ZNF76: variants seen among roughly 807,000 people sequenced by gnomAD.
The protein encoded by ZNF76 is zinc finger protein 76, also known as zinc finger protein 523.
A neutral mutation model predicts 66.9 loss-of-function variants in ZNF76; 66 were observed. That is an observed-to-expected ratio of 0.99 (90% confidence interval 0.81 to 1.21). The LOEUF (loss-of-function observed/expected upper bound fraction) is 1.21, where lower values mean the gene tolerates loss of function less well. Among genes scored for constraint, ZNF76 ranks in the 50% most tolerant of loss-of-function variants. The probability of loss-of-function intolerance (pLI) is 0.00; values close to 1 mark genes in which losing one functional copy is unlikely to be tolerated. For missense variants in ZNF76, 729 were observed against 760.3 expected, an observed-to-expected ratio of 0.96 and a Z score of 0.48; for synonymous variants, 275 against 296.1, an observed-to-expected ratio of 0.93 and a Z score of 0.73.
rs1790530648 is a variant in ZNF76 at position 35,292,410 on chromosome 6, A to G, written c.932-144A>G. On this transcript the variant is annotated intron_variant, in intron 9 of 13. Coordinates refer to ENST00000373953, the MANE Select transcript of ZNF76 (RefSeq NM_003427.5). This position sits in a 1 kb window ranked among gnomAD's most constrained non-coding sequence, Gnocchi z 4.7. ...TGTGTTCCACTGGCCATCTTCCCCAACCCTGTCCATTCAGAGTCTCAGGTC... is the reference window on the plus strand; with the variant it reads ...TGTGTTCCACTGGCCATCTTCCCCAGCCCTGTCCATTCAGAGTCTCAGGTC... 1.3e-6 allele frequency: 1 copy of G among 798,094 alleles called. No individual in the cohort carries two copies. The highest frequency in any genetic ancestry group is 2.1e-6 in the Non-Finnish European group (1 of 480,064). 49.4% of individuals were successfully genotyped at this position (798,094 alleles called of 1,614,324 possible). A position where few individuals can be genotyped will look rare whatever the true frequency, so the allele number is the denominator to read the frequency against.
intron 2 of ZNF76, 144 bp downstream of exon 2, chr6:35,281,368 T>G (rs1030082380): frequency 1.4e-6 from 1 of 694,440 alleles, no homozygotes; most frequent in Non-Finnish European, 2.5e-6. Flanking sequence ...CATTAGAATC[T>G]CCTGTGGTGC....
In ZNF76 at chr6:35,292,089, C is replaced by T; in HGVS notation, c.931+352C>T. 1 of 437,492 alleles carries T rather than the reference C, an allele frequency of 2.3e-6. No individual in the cohort carries two copies. Among genetic ancestry groups the T allele is most frequent in the Middle Eastern group, 6.6e-4 (1 of 1,518 alleles). 27.1% of individuals were successfully genotyped at this position (437,492 alleles called of 1,614,324 possible). ...CAGAGTGAACTGTCACCTTCAACTC[C>T]TCACCTTATCCGCCGTCCATGACTC... On this transcript the variant is annotated intron_variant, in intron 9 of 13. Transcript: ENST00000373953. The surrounding 1 kb of genome is among the most constrained non-coding windows in gnomAD (Gnocchi z 4.7).
rs1010204541 is a variant in ZNF76, at chr6:35,259,797, G to C, written c.-141G>C. The C allele has an allele frequency of 5.3e-5, 8 of 152,278 alleles. No individual in the cohort carries two copies. Among genetic ancestry groups the C allele is most frequent in the Middle Eastern group, 3.2e-3 (1 of 316 alleles). 9.4% of individuals were successfully genotyped at this position (152,278 alleles called of 1,614,324 possible). A position where few individuals can be genotyped will look rare whatever the true frequency, so the allele number is the denominator to read the frequency against. On this transcript the variant is annotated 5_prime_UTR_variant, in exon 1 of 14. Transcript: ENST00000373953. Reference sequence around the variant, plus strand: ...GGGGCCGGCGCTGGTGGCGGGGCCCGGTGCATGGCGGTCTGTCGGCGGAGT... The same window carrying C: ...GGGGCCGGCGCTGGTGGCGGGGCCCCGTGCATGGCGGTCTGTCGGCGGAGT...
In ZNF76 at chr6:35,291,619, C is replaced by G; in HGVS notation, c.813C>G (p.Ile271Met). ...GCCGCTCCTTCACCACATCTAACATCCGCAAGGTACATGTGCGCACCCACA... is the reference window on the plus strand; with the variant it reads ...GCCGCTCCTTCACCACATCTAACATGCGCAAGGTACATGTGCGCACCCACA... ...GCGRSFTTSN[I>M]RKVHVRTHTG... Residue 271 changes from isoleucine to methionine, a missense_variant, in exon 9 of 14, where the codon ATC (isoleucine) becomes ATG (methionine). Physicochemically the swap from Ile to Met is conservative, Grantham distance 10 (BLOSUM62 1). Transcript: ENST00000373953. The G allele has an allele frequency of 6.2e-7, 1 of 1,614,080 alleles. No homozygotes were observed. The highest frequency in any genetic ancestry group is 8.5e-7 in the Non-Finnish European group (1 of 1,179,958).
rs1240113030 is a variant in ZNF76 at position 35,259,978 on chromosome 6, G to T, written c.-97+137G>T. ...CAGGGCGGCCTGGCCGCTGGACCGC[G>T]GCCGGGCCCCCTCCCCCACCCAGGG... On this transcript the variant is annotated intron_variant, in intron 1 of 13. Coordinates refer to ENST00000373953, the MANE Select transcript of ZNF76 (RefSeq NM_003427.5). 2 of 151,876 alleles carry T rather than the reference G, an allele frequency of 1.3e-5. 1 individual carries two copies. The highest frequency in any genetic ancestry group is 1.3e-4 in the Admixed American group (2 of 15,262). 9.4% of individuals were successfully genotyped at this position (151,876 alleles called of 1,614,324 possible).
chr6:35,274,821 G>A (rs1787642277), intron 1 of ZNF76, among the ~76,000 whole-genome samples: 1 of 152,216 alleles, frequency 6.6e-6, no homozygotes, highest in African/African-American at 2.4e-5. Context: ...GTGAAGGGTT[G>A]TTTTCCTGCA....
chr6:35,273,750 C>T, intron 1 of ZNF76, among the ~76,000 whole-genome samples: 1 of 148,618 alleles, frequency 6.7e-6, no homozygotes, highest in South Asian at 2.1e-4. Context: ...AAATGGGGGT[C>T]TCACTATGTT....
At chr6:35,273,720 C>T (rs1411139788) in intron 1 of ZNF76, among the ~76,000 whole-genome samples, 14 of 48,796 alleles carry the variant, frequency 2.9e-4, no homozygotes, top group Admixed American at 7.4e-4. Flanking sequence ...GACTCCATCT[C>T]ACAAAAAAAA....
chr6:35,282,363 TAAAA>T (rs60281715), intron 2 of ZNF76, among the ~76,000 whole-genome samples: 1 of 134,614 alleles, frequency 7.4e-6, no homozygotes, highest in African/African-American at 2.7e-5. Context: ...TACCAAGTTC[TAAAA>T]AAAAAAAAAA....
Position 35,287,623 on chromosome 6 carries a change from G to T in ZNF76, c.233-23G>T. The T allele has an allele frequency of 6.3e-7, 1 of 1,586,896 alleles. No individual in the cohort carries two copies. The highest frequency in any genetic ancestry group is 1.3e-5 in the African/African-American group (1 of 74,630). On this transcript the variant is annotated intron_variant, in intron 4 of 13. Transcript: ENST00000373953. The surrounding 1 kb of genome is among the most constrained non-coding windows in gnomAD (Gnocchi z 4.0). ...ATCTCTTCCCCTTGTGTGGCATCAG[G>T]GCTAACCGCGTGTTCCCTGCAGAAG...
At position 35,287,794 on chromosome 6, in the gene ZNF76, T is replaced by A; in HGVS notation, c.381T>A (p.Asp127Glu). The A allele has an allele frequency of 6.2e-7, 1 of 1,613,200 alleles. No homozygotes were observed. The highest frequency in any genetic ancestry group is 8.5e-7 in the Non-Finnish European group (1 of 1,179,618). ...TGGAGGACCTGGCAGCAGAGGATGA[T>A]GAGGGCTTCAGTGCAGACGCAGTGG... Reference protein sequence around the residue: ...VGLEDLAAEDDEGFSADAVVA... With the variant: ...VGLEDLAAEDEEGFSADAVVA... Residue 127 changes from aspartate (D) to glutamate (E), a missense_variant, in exon 5 of 14, where the codon GAT (aspartate) becomes GAA (glutamate). Transcript: ENST00000373953. This position sits in a 1 kb window ranked among gnomAD's most constrained non-coding sequence, Gnocchi z 4.0.
chr6:35,290,987 G>T, intron 7 of ZNF76: 1 of 592,948 alleles, frequency 1.7e-6, no homozygotes. Context: ...TTATTGGGTG[G>T]GCCATTGCAT....
chr6:35,275,093 T>C (rs1411296304), intron 1 of ZNF76, among the ~76,000 whole-genome samples: 1 of 151,754 alleles, frequency 6.6e-6, no homozygotes, highest in Non-Finnish European at 1.5e-5. Context: ...AGGCGGAGGT[T>C]GCAGTGAGCC....
chr6:35,274,876 C>T (rs755208626), intron 1 of ZNF76, among the ~76,000 whole-genome samples: 28 of 152,116 alleles, frequency 1.8e-4, no homozygotes, highest in Non-Finnish European at 3.1e-4. Context: ...TGCAGCAGGC[C>T]GGGTGCAGTG....
chr6:35,270,232 G>A (rs1272194819), intron 1 of ZNF76, among the ~76,000 whole-genome samples: 1 of 152,050 alleles, frequency 6.6e-6, no homozygotes, highest in Admixed American at 6.6e-5. Flanking sequence ...TGCCTCCTGG[G>A]TTCAAGTGAT....
intron 1 of ZNF76, among the ~76,000 whole-genome samples, chr6:35,260,281 A>G (rs532239810): frequency 1.3e-5 from 2 of 151,510 alleles, no homozygotes; most frequent in South Asian, 2.1e-4. Context: ...AAACCTGGGT[A>G]ACCCTCCTGG....
chr6:35,264,812 A>T (rs546923444), intron 1 of ZNF76, among the ~76,000 whole-genome samples: 2 of 152,226 alleles, frequency 1.3e-5, no homozygotes, highest in South Asian at 4.1e-4. Flanking sequence ...TGGCCTGGGA[A>T]TTGTAACATC....
intron 1 of ZNF76, among the ~76,000 whole-genome samples, chr6:35,277,658 G>A (rs1039988770): frequency 2.6e-5 from 4 of 152,182 alleles, no homozygotes; most frequent in Admixed American, 2.6e-4. Context: ...AGAACTAAAT[G>A]AGTTAATGTA....
At chr6:35,290,884 A>T in intron 7 of ZNF76, 168 bp downstream of exon 7, 1 of 673,482 alleles carries the variant, frequency 1.5e-6, no homozygotes, top group Non-Finnish European at 2.5e-6. Context: ...ACGGGAGTGC[A>T]AGGCAGCATG....
Sources: allele counts gnomAD v4.1 joint callset (sites outside exome capture counted in the v4.1 genomes callset), GRCh38; gene constraint gnomAD v4.1.1; non-coding constraint Gnocchi (gnomAD v3.1); transcripts MANE v1.5; gene names NCBI Gene and HGNC (gene_info 2026-07-23, HGNC 2026-07-21).